MTR: variants seen among roughly 807,000 people sequenced by gnomAD.
The protein encoded by MTR is methionine synthase.
In MTR, 84 loss-of-function variants were observed where a neutral mutation model predicts 154.8. The ratio of observed to expected loss-of-function variants is 0.54; its 90% CI spans 0.45 to 0.65. MTR has a LOEUF of 0.65. Ranked by LOEUF, MTR falls within the 30% of genes least tolerant of loss-of-function variation. The pLI, the probability that MTR is intolerant of heterozygous loss-of-function variation, is 0.00. For missense variants in MTR, 1,275 were observed against 1,570.2 expected (o/e 0.81, Z 3.18); for synonymous variants, 554 against 553.9 (o/e 1.00, Z 0.00).
chr1:236,866,995 T>C (rs998304145), intron 22 of MTR, among the ~76,000 whole-genome samples: 9 of 152,202 alleles, frequency 5.9e-5, no homozygotes, highest in African/African-American at 2.2e-4. Context: ...CAAGGTGAAG[T>C]GCAGGTGCTG....
intron 13 of MTR, among the ~76,000 whole-genome samples, chr1:236,832,561 A>T (rs1572230664): frequency 6.6e-6 from 1 of 152,216 alleles, no homozygotes; most frequent in African/African-American, 2.4e-5. Flanking sequence ...TTTATGTGAT[A>T]GTTTTAGCCA....
chr1:236,838,110 T>C (rs1279262579), intron 14 of MTR, among the ~76,000 whole-genome samples: 1 of 152,204 alleles, frequency 6.6e-6, no homozygotes, highest in Non-Finnish European at 1.5e-5. Context: ...CCTCGGGGCT[T>C]AGGCGCTTGA....
intron 27 of MTR, 133 bp from the exon 28 acceptor site, chr1:236,889,048 G>A (rs965914799): frequency 7.3e-6 from 8 of 1,102,680 alleles, no homozygotes; most frequent in Admixed American, 5.1e-5. Flanking sequence ...TCCCCTCTTT[G>A]TAAAACAACT....
Position 236,896,987 on chromosome 1 carries a change from C to T in MTR, c.3599-19C>T. ...AGACACTGAGTCCATAAGCATTTTC[C>T]CTGTGTTGCTCCCTCTAGGCATTAG... On this transcript the variant is annotated intron_variant, in intron 31 of 32. Transcript: ENST00000366577. 6.3e-7 allele frequency: 1 copy of T among 1,576,822 alleles called. No homozygotes were observed.
At chr1:236,873,694 T>C in intron 22 of MTR, 79 bp from the exon 23 acceptor site, 1 of 1,202,084 alleles carries the variant, frequency 8.3e-7, no homozygotes, top group East Asian at 2.3e-5. Context: ...TATTTAATGG[T>C]TGAAATAAAA....
At position 236,846,648 on chromosome 1, in the gene MTR, G is replaced by A. The variant is rs116117180; in HGVS notation, c.1516-3696G>A. Among the ~76,000 whole-genome samples, 971 of 152,142 alleles carry A rather than the reference G, an allele frequency of 6.4e-3. 15 individuals are homozygous for A. Among genetic ancestry groups the A allele is most frequent in the African/African-American group, 0.022 (918 of 41,512 alleles). On this transcript the variant is annotated intron_variant, in intron 15 of 32. Transcript: ENST00000366577. ...CGTGTCTTTCAATTACTCATTCAAT[G>A]GAGTTTTGTAATTATCCCTAAATAG...
rs1228248518 is a variant in MTR at position 236,863,506 on chromosome 1, A to G, written c.2357A>G (p.Asp786Gly). ...VLATVKGDVH[D>G]IGKNIVGVVL... Reference sequence around the variant, plus strand: ...GCCACTGTTAAAGGCGACGTGCACGACATAGGCAAGAACATAGTTGGAGTA... The same window carrying G: ...GCCACTGTTAAAGGCGACGTGCACGGCATAGGCAAGAACATAGTTGGAGTA... Residue 786 changes from aspartate (D) to glycine (G), a missense_variant, in exon 22 of 33, where the codon GAC becomes GGC. Coordinates refer to ENST00000366577, the MANE Select transcript of MTR (RefSeq NM_000254.3). 6.2e-7 allele frequency: 1 copy of G among 1,613,970 alleles called. No homozygotes were observed. The highest frequency in any genetic ancestry group is 1.3e-5 in the African/African-American group (1 of 74,930).
intron 18 of MTR, among the ~76,000 whole-genome samples, chr1:236,857,405 G>A (rs920120121): frequency 6.6e-6 from 1 of 152,158 alleles, no homozygotes; most frequent in Non-Finnish European, 1.5e-5. Context: ...CCTTAAAAAT[G>A]TGACTTTGAA....
At chr1:236,803,876 A>G (rs1357769337) in intron 2 of MTR, among the ~76,000 whole-genome samples, 1 of 152,208 alleles carries the variant, frequency 6.6e-6, no homozygotes, top group East Asian at 1.9e-4. Flanking sequence ...TCTAGTGAAA[A>G]ACTATGAGAA....
In MTR at chr1:236,859,915, T is replaced by C; in HGVS notation, c.2036T>C (p.Leu679Pro). 1 of 1,613,646 alleles carries C rather than the reference T, an allele frequency of 6.2e-7. No individual in the cohort carries two copies. The highest frequency in any genetic ancestry group is 8.5e-7 in the Non-Finnish European group (1 of 1,179,656). The stretch of plus-strand genomic sequence containing the variant: ...GTCGAAGAACGCCTTGAGTATGCCC[T>C]TGTGAAGGTAAGTTACAGGGGCCTG... ...GPVEERLEYA[L>P]VKGIEKHIIE... The change falls in exon 19 of 33, where the codon CTT becomes CCT. Residue 679 changes from leucine (L) to proline (P), a missense_variant. Transcript: ENST00000366577.
At chr1:236,801,686 G>A (rs1006839984) in intron 1 of MTR, among the ~76,000 whole-genome samples, 1 of 152,204 alleles carries the variant, frequency 6.6e-6, no homozygotes, top group African/African-American at 2.4e-5. Context: ...AGCTCAGATA[G>A]CTTAGAACCA....
chr1:236,872,848 G>A (rs1286573295), intron 22 of MTR, among the ~76,000 whole-genome samples: 1 of 152,152 alleles, frequency 6.6e-6, no homozygotes, highest in Non-Finnish European at 1.5e-5. Context: ...TACAAAAACT[G>A]TAAAAATTAG....
chr1:236,796,437 A>T (rs1157982336), intron 1 of MTR, among the ~76,000 whole-genome samples: 1 of 152,244 alleles, frequency 6.6e-6, no homozygotes, highest in Non-Finnish European at 1.5e-5. Context: ...TTATAATTTG[A>T]GGACAAATAC....
At chr1:236,897,310 G>GCGCGCGCGCACGCGCGCGCGCACA in intron 32 of MTR, among the ~76,000 whole-genome samples, 192 bp downstream of exon 32, 3 of 128,682 alleles carry the variant, frequency 2.3e-5, no homozygotes, top group African/African-American at 8.2e-5. Flanking sequence ...CCACACACAC[G>GCGCGCGCGCACGCGCGCGCGCACA]CACACACACA....
At chr1:236,848,849 A>G (rs1006034778) in intron 15 of MTR, among the ~76,000 whole-genome samples, 1 of 152,232 alleles carries the variant, frequency 6.6e-6, no homozygotes, top group Non-Finnish European at 1.5e-5. Flanking sequence ...GGCTAGATCT[A>G]AGAGAGAGTT....
In MTR at chr1:236,862,296, A is replaced by G. The variant is rs751836621; in HGVS notation, c.2257A>G (p.Lys753Glu). The change falls in exon 21 of 33, where the codon AAA becomes GAA. Residue 753 changes from lysine (K) to glutamate (E), a missense_variant. Physicochemically the swap from Lys to Glu is moderately conservative, Grantham distance 56. Transcript: ENST00000366577. ...TGGCCACCTTATCCCTTTCATGGAAAAAGAAAGAGAAGAAACCAGAGTGCT... is the reference window on the plus strand; with the variant it reads ...TGGCCACCTTATCCCTTTCATGGAAGAAGAAAGAGAAGAAACCAGAGTGCT... ...AVGHLIPFME[K>E]EREETRVLNG... 6 of 1,614,016 alleles carry G rather than the reference A, an allele frequency of 3.7e-6. No homozygotes were observed. The highest frequency in any genetic ancestry group is 5.1e-6 in the Non-Finnish European group (6 of 1,179,888).
chr1:236,813,132 T>C (rs1661397777), intron 6 of MTR, among the ~76,000 whole-genome samples: 1 of 152,132 alleles, frequency 6.6e-6, no homozygotes, highest in African/African-American at 2.4e-5. Context: ...TGGTTCTAAA[T>C]TTGAAAGATA....
At chr1:236,875,372 C>T (rs890780513) in intron 24 of MTR, among the ~76,000 whole-genome samples, 4 of 152,094 alleles carry the variant, frequency 2.6e-5, no homozygotes, top group Non-Finnish European at 5.9e-5. Context: ...TTGTGGGAAC[C>T]TTTGGGTTAA....
At chr1:236,895,942 G>A (rs920354153) in intron 31 of MTR, among the ~76,000 whole-genome samples, 2 of 152,176 alleles carry the variant, frequency 1.3e-5, no homozygotes, top group Non-Finnish European at 2.9e-5. Context: ...CATTGCTTGT[G>A]GATGGTGTCC....
Sources: gnomAD v4.1 joint callset for allele counts (sites outside exome capture counted in the v4.1 genomes callset) on GRCh38, gnomAD v4.1.1 for gene constraint, MANE v1.5 for transcripts, NCBI Gene and HGNC (gene_info 2026-07-23, HGNC 2026-07-21) for gene names.